Variants in CSMD1 observed in about 807,000 individuals in gnomAD.
The protein encoded by CSMD1 is CUB and Sushi multiple domains 1.
A neutral mutation model predicts 417.5 loss-of-function variants in CSMD1; 213 were observed. The ratio of observed to expected loss-of-function variants is 0.51; its 90% CI spans 0.46 to 0.57. The LOEUF is 0.57. CSMD1 is among the 20% of genes least tolerant of loss of function. CSMD1 has a pLI of 0.00. For synonymous variants in CSMD1, 2,862 were observed against 1,736.8 expected (o/e 1.65, Z -16.11); for missense variants, 6,923 against 4,529.7 (o/e 1.53, Z -15.17).
intron 5 of CSMD1, among the ~76,000 whole-genome samples, chr8:3,847,803 A>C (rs1803611387): frequency 1.3e-5 from 2 of 152,202 alleles, no homozygotes; most frequent in South Asian, 4.1e-4. Flanking sequence ...GTTGGGTGCC[A>C]ATAATTGCAC....
chr8:4,280,152 A>T (rs140039797), intron 3 of CSMD1, among the ~76,000 whole-genome samples: 65 of 152,382 alleles, frequency 4.3e-4, no homozygotes, highest in African/African-American at 1.5e-3. Context: ...TGAATTATTT[A>T]GAAGTACGCT....
chr8:3,450,010 T>C (rs1815584041), intron 12 of CSMD1, among the ~76,000 whole-genome samples: 1 of 152,170 alleles, frequency 6.6e-6, no homozygotes, highest in Admixed American at 6.5e-5. Flanking sequence ...GGTCACCAGC[T>C]CCTCCTCATC....
intron 5 of CSMD1, among the ~76,000 whole-genome samples, chr8:3,890,219 T>C (rs1251220688): frequency 6.6e-6 from 1 of 152,162 alleles, no homozygotes; most frequent in Admixed American, 6.6e-5. Context: ...TTACTTTTAA[T>C]AAAAGATAAG....
At chr8:3,017,020 T>A (rs11776977) in intron 52 of CSMD1, among the ~76,000 whole-genome samples, 5,495 of 152,266 alleles carry the variant, frequency 0.036, 135 homozygotes, top group African/African-American at 0.074. Flanking sequence ...TATCACTTAA[T>A]CTCCCAAAGC....
At chr8:3,972,563 G>A (rs1044363397) in intron 5 of CSMD1, among the ~76,000 whole-genome samples, 5 of 152,084 alleles carry the variant, frequency 3.3e-5, no homozygotes, top group Non-Finnish European at 5.9e-5. Context: ...TGCTCACAGG[G>A]CCTCTTATGC....
chr8:4,633,252 T>A (rs1802632813), intron 2 of CSMD1, among the ~76,000 whole-genome samples: 1 of 151,964 alleles, frequency 6.6e-6, no homozygotes, highest in Admixed American at 6.6e-5. Context: ...TTCGTTTGTT[T>A]CTTTGTTTTT....
chr8:3,570,602 A>G (rs1799904312), intron 10 of CSMD1, among the ~76,000 whole-genome samples: 1 of 152,170 alleles, frequency 6.6e-6, no homozygotes, highest in Non-Finnish European at 1.5e-5. Flanking sequence ...CTGCAATGCT[A>G]TCACGGAGCT....
intron 1 of CSMD1, among the ~76,000 whole-genome samples, chr8:4,922,129 C>T (rs141979312): frequency 5.3e-5 from 8 of 152,170 alleles, no homozygotes; most frequent in African/African-American, 1.4e-4. Context: ...TTACCCATTG[C>T]CTTGCAGGTA....
At chr8:3,306,047 C>T (rs1462908476) in intron 25 of CSMD1, among the ~76,000 whole-genome samples, 1 of 152,060 alleles carries the variant, frequency 6.6e-6, no homozygotes, top group African/African-American at 2.4e-5. Context: ...TCTAGATATG[C>T]TTTAATTGTT....
rs577730699 is a variant in CSMD1, at chr8:3,913,192, A to G, written c.818+84711T>C. 1.1e-3 allele frequency among the ~76,000 whole-genome samples: 167 copies of G among 152,180 alleles called. 2 individuals carry two copies. The highest frequency in any genetic ancestry group is 1.1e-3 in the African/African-American group (46 of 41,506). ...AGATGTTGAGTTGAGAACCGAATAT[A>G]TTGGTTGGAGGTCAGAACAGATATC... On this transcript the variant is annotated intron_variant, in intron 5 of 69. Transcript: ENST00000635120.
chr8:4,146,570 CTGTCTAAAT>C (rs1228655622), intron 3 of CSMD1, among the ~76,000 whole-genome samples: 1 of 111,994 alleles, frequency 8.9e-6, no homozygotes, highest in Non-Finnish European at 1.9e-5. Flanking sequence ...CCATTATTAT[CTGTCTAAAT>C]GTTTATATGG....
At chr8:3,644,007 C>A (rs879856429) in intron 7 of CSMD1, among the ~76,000 whole-genome samples, 1 of 152,128 alleles carries the variant, frequency 6.6e-6, no homozygotes, top group Non-Finnish European at 1.5e-5. Flanking sequence ...GCTGTTGTTT[C>A]AAAAACAACT....
intron 43 of CSMD1, 54 bp downstream of exon 43, chr8:3,110,102 TAA>T: frequency 1.4e-6 from 2 of 1,427,722 alleles, no homozygotes; most frequent in Non-Finnish European, 1.9e-6. Context: ...ATATGTATGC[TAA>T]GTCAGAATTG....
chr8:3,461,800 G>C (rs555815774), intron 12 of CSMD1, among the ~76,000 whole-genome samples: 3 of 152,214 alleles, frequency 2.0e-5, no homozygotes, highest in African/African-American at 4.8e-5. Context: ...TCTTACGTGT[G>C]ATAGAACACG....
At chr8:3,818,692 G>A (rs1316103416) in intron 5 of CSMD1, among the ~76,000 whole-genome samples, 1 of 152,158 alleles carries the variant, frequency 6.6e-6, no homozygotes, top group African/African-American at 2.4e-5. Context: ...AGAAACGGCA[G>A]TCAACAAAGG....
In CSMD1 at chr8:3,087,118, A is replaced by T; in HGVS notation, c.7453T>A (p.Ser2485Thr). The T allele has an allele frequency of 2.5e-6, 4 of 1,613,518 alleles. No homozygotes were observed. Among genetic ancestry groups the T allele is most frequent in the Non-Finnish European group, 3.4e-6 (4 of 1,179,878 alleles). ...TTACCCTGGCAGAGTGGCGTGAGGG[A>T]GTCCCACTGGTACATGCCAAGTGGG... ...RNPLGMYQWD[S>T]LTPLCQAVSC... The change falls in exon 49 of 70, where the codon TCC (serine) becomes ACC (threonine). Residue 2485 changes from serine (S) to threonine (T), a missense_variant. Ser to Thr is a moderately conservative substitution (Grantham distance 58, BLOSUM62 1). Coordinates refer to ENST00000635120, the MANE Select transcript of CSMD1 (RefSeq NM_033225.6).
At chr8:3,266,909 T>A (rs1801475834) in intron 26 of CSMD1, among the ~76,000 whole-genome samples, 1 of 152,004 alleles carries the variant, frequency 6.6e-6, no homozygotes, top group Non-Finnish European at 1.5e-5. Flanking sequence ...GGTTGTGGAA[T>A]AACTTAGAGG....
intron 5 of CSMD1, among the ~76,000 whole-genome samples, chr8:3,947,752 A>T (rs1811332786): frequency 6.6e-6 from 1 of 152,156 alleles, no homozygotes; most frequent in South Asian, 2.1e-4. Context: ...TATCTTAGTG[A>T]ATGTTCCATG....
intron 10 of CSMD1, among the ~76,000 whole-genome samples, chr8:3,536,575 T>A (rs1423406456): frequency 6.6e-6 from 1 of 152,186 alleles, no homozygotes; most frequent in Admixed American, 6.5e-5. Flanking sequence ...ATTCAGTACT[T>A]GGTAGTCACT....
Sources: gnomAD v4.1 joint callset for allele counts (sites outside exome capture counted in the v4.1 genomes callset) on GRCh38, gnomAD v4.1.1 for gene constraint, MANE v1.5 for transcripts, NCBI Gene and HGNC (gene_info 2026-07-23, HGNC 2026-07-21) for gene names.